PHTF2: variants seen among roughly 807,000 people sequenced by gnomAD.
PHTF2 encodes the protein putative homeodomain transcription factor 2.
PHTF2 carries 60 observed loss-of-function variants against 101.2 expected under a neutral mutation model. The observed-to-expected ratio is 0.59, with a 90% CI of 0.48 to 0.73. The LOEUF (loss-of-function observed/expected upper bound fraction) is 0.73, where lower values mean the gene tolerates loss of function less well. Ranked by LOEUF, PHTF2 falls within the 30% of genes least tolerant of loss-of-function variation. The probability of loss-of-function intolerance (pLI) is 0.00; values close to 1 mark genes in which losing one functional copy is unlikely to be tolerated. For missense variants in PHTF2, 747 were observed against 908.7 expected (o/e 0.82, Z 2.29); for synonymous variants, 311 against 307.3 (o/e 1.01, Z -0.13).
intron 1 of PHTF2, among the ~76,000 whole-genome samples, chr7:77,799,268 C>T (rs1792328391): frequency 6.6e-6 from 1 of 152,158 alleles, no homozygotes. Context: ...CGAAGCCCAG[C>T]GCGCCACCCG....
chr7:77,841,699 A>T (rs569718812), intron 2 of PHTF2, among the ~76,000 whole-genome samples: 84 of 152,256 alleles, frequency 5.5e-4, no homozygotes, highest in African/African-American at 1.9e-3. Flanking sequence ...ACTTTATTGG[A>T]AGTATTGATA....
At chr7:77,871,932 G>A (rs1416034184) in intron 3 of PHTF2, among the ~76,000 whole-genome samples, 1 of 152,200 alleles carries the variant, frequency 6.6e-6, no homozygotes, top group Non-Finnish European at 1.5e-5. Flanking sequence ...TGCAGGATAG[G>A]TAAACCCATA....
At chr7:77,881,622 C>T (rs556833715) in intron 3 of PHTF2, among the ~76,000 whole-genome samples, 47 of 152,132 alleles carry the variant, frequency 3.1e-4, no homozygotes, top group Admixed American at 5.2e-4. Flanking sequence ...CTGCTCACCT[C>T]GGCCTCCCAA....
intron 2 of PHTF2, among the ~76,000 whole-genome samples, chr7:77,845,171 T>G (rs1308226882): frequency 6.6e-6 from 1 of 152,198 alleles, no homozygotes; most frequent in Non-Finnish European, 1.5e-5. Flanking sequence ...ATTACATGTA[T>G]TGAAAGATAA....
intron 1 of PHTF2, among the ~76,000 whole-genome samples, chr7:77,800,846 TTTAAC>T (rs1206753356): frequency 1.3e-5 from 2 of 152,224 alleles, no homozygotes; most frequent in African/African-American, 2.4e-5. Flanking sequence ...CAAGACTTAG[TTTAAC>T]TAATTTGTTC....
intron 1 of PHTF2, among the ~76,000 whole-genome samples, chr7:77,801,119 C>A (rs1206338292): frequency 6.6e-6 from 1 of 152,112 alleles, no homozygotes; most frequent in Admixed American, 6.5e-5. Flanking sequence ...ATGGAGTCAC[C>A]TTCTCTGTGT....
At chr7:77,809,441 C>T (rs1187449219) in intron 1 of PHTF2, among the ~76,000 whole-genome samples, 5 of 151,752 alleles carry the variant, frequency 3.3e-5, no homozygotes, top group Admixed American at 6.6e-5. Context: ...TGACCAGGCT[C>T]GTCACGAATT....
intron 1 of PHTF2, among the ~76,000 whole-genome samples, chr7:77,828,867 C>G (rs1369878487): frequency 6.6e-6 from 1 of 150,964 alleles, no homozygotes; most frequent in Admixed American, 6.6e-5. Flanking sequence ...GACTCCATCT[C>G]AAAAAAAATA....
intron 3 of PHTF2, among the ~76,000 whole-genome samples, chr7:77,877,572 G>A (rs1799053251): frequency 6.6e-6 from 1 of 152,184 alleles, no homozygotes; most frequent in African/African-American, 2.4e-5. Context: ...ATACTGCCAT[G>A]TACCAGCAAG....
chr7:77,860,109 T>A (rs1159195809), intron 3 of PHTF2, among the ~76,000 whole-genome samples: 1 of 152,212 alleles, frequency 6.6e-6, no homozygotes, highest in Non-Finnish European at 1.5e-5. Flanking sequence ...TTGTCAAACC[T>A]ACTTTGTGAT....
In PHTF2 at chr7:77,845,415, C is replaced by A. The variant is rs79916116; in HGVS notation, c.45+5115C>A. Among the ~76,000 whole-genome samples the A allele has an allele frequency of 1.6e-4, 24 of 152,264 alleles. 1 individual carries two copies. In the East Asian group the frequency reaches 4.1e-3, roughly 26 times the overall value. ...AGGGCTGAGGAAGAACTGTATGATA[C>A]AGATCTTGGTCATTGTCTTTAAGGA... On this transcript the variant is annotated intron_variant, in intron 2 of 19. Coordinates refer to ENST00000416283, the Ensembl canonical transcript of PHTF2.
chr7:77,824,633 G>C (rs1794568196), intron 1 of PHTF2, among the ~76,000 whole-genome samples: 1 of 152,076 alleles, frequency 6.6e-6, no homozygotes, highest in South Asian at 2.1e-4. Context: ...TGATGGCCAG[G>C]CTGGTCTTGA....
chr7:77,938,772 G>A (rs1218236358), intron 13 of PHTF2, among the ~76,000 whole-genome samples: 3 of 152,132 alleles, frequency 2.0e-5, no homozygotes, highest in Non-Finnish European at 4.4e-5. Context: ...GCGAGACTCC[G>A]TCTCAAAAAA....
chr7:77,923,739 T>G (rs1175377235), intron 11 of PHTF2: 10 of 985,104 alleles, frequency 1.0e-5, no homozygotes, highest in Non-Finnish European at 9.6e-6. Flanking sequence ...CTGTTAGAAG[T>G]CAGTTGGTGC....
At chr7:77,808,617 T>G (rs1227501784) in intron 1 of PHTF2, among the ~76,000 whole-genome samples, 1 of 152,252 alleles carries the variant, frequency 6.6e-6, no homozygotes, top group East Asian at 1.9e-4. Flanking sequence ...AACTGAAGAC[T>G]TAAGGGGAAT....
At chr7:77,923,036 A>G in intron 11 of PHTF2, 1 of 1,127,716 alleles carries the variant, frequency 8.9e-7, no homozygotes, top group Non-Finnish European at 1.1e-6. Context: ...GTTTGCTTTT[A>G]AAGAAGAACA....
At chr7:77,875,676 G>A (rs1180853484) in intron 3 of PHTF2, among the ~76,000 whole-genome samples, 1 of 151,974 alleles carries the variant, frequency 6.6e-6, no homozygotes, top group Non-Finnish European at 1.5e-5. Flanking sequence ...TCCTGCCTCA[G>A]CCTCCCGAGT....
chr7:77,906,612 A>G (rs2150852327), intron 7 of PHTF2: 1 of 152,324 alleles, frequency 6.6e-6, no homozygotes, highest in South Asian at 2.1e-4. Flanking sequence ...ATAACCAGCA[A>G]CAGGTTATAT....
intron 12 of PHTF2, among the ~76,000 whole-genome samples, chr7:77,934,883 C>T (rs184797019): frequency 4.6e-5 from 7 of 151,750 alleles, no homozygotes; most frequent in East Asian, 1.9e-4. Flanking sequence ...TGCTTGAACC[C>T]GGGAGGCGAA....
Sources: allele counts gnomAD v4.1 joint callset (sites outside exome capture counted in the v4.1 genomes callset), GRCh38; gene constraint gnomAD v4.1.1; transcripts MANE v1.5; gene names NCBI Gene and HGNC (gene_info 2026-07-23, HGNC 2026-07-21).